The following DUSP13B variants were observed in gnomAD, a reference collection of about 807,000 sequenced individuals.
The protein encoded by DUSP13B is dual specificity protein phosphatase 13B.
At chr10:75,095,082 C>A in the DUSP13B span, among the ~76,000 whole-genome samples, 1 of 152,182 alleles carries the variant, frequency 6.6e-6, no homozygotes, top group Admixed American at 6.5e-5. Context: ...GGTTAGCAGC[C>A]GGGATTTCCT....
At chr10:75,106,860 T>A in the DUSP13B span, among the ~76,000 whole-genome samples, 1 of 152,214 alleles carries the variant, frequency 6.6e-6, no homozygotes, top group Non-Finnish European at 1.5e-5. Context: ...TGAGCTGTAA[T>A]CTTGTCATTC....
At chr10:75,097,128 T>C in the DUSP13B span, among the ~76,000 whole-genome samples, 1 of 152,198 alleles carries the variant, frequency 6.6e-6, no homozygotes, top group South Asian at 2.1e-4. Context: ...AGTAGGGGCT[T>C]CTGGGAGACA....
the DUSP13B span, among the ~76,000 whole-genome samples, chr10:75,104,808 A>AG: frequency 6.6e-6 from 1 of 151,972 alleles, no homozygotes; most frequent in South Asian, 2.1e-4. Context: ...CAGCCAGCAC[A>AG]GGGGAAGGGG....
the DUSP13B span, among the ~76,000 whole-genome samples, chr10:75,099,926 G>A: frequency 2.6e-5 from 4 of 152,122 alleles, no homozygotes; most frequent in South Asian, 4.2e-4. Context: ...CTGGATATGC[G>A]GTCACTGCAG....
chr10:75,100,087 GC>G, the DUSP13B span, among the ~76,000 whole-genome samples: 1 of 152,122 alleles, frequency 6.6e-6, no homozygotes, highest in Non-Finnish European at 1.5e-5. Context: ...CCGGGCTCAG[GC>G]CTGCGGAGCT....
the DUSP13B span, chr10:75,099,307 G>T: frequency 8.1e-7 from 1 of 1,232,366 alleles, no homozygotes; most frequent in South Asian, 4.1e-5. Context: ...CACCCAGGAG[G>T]CTGCCGGCTT....
chr10:75,108,366 A>G, the DUSP13B span: 7 of 1,359,302 alleles, frequency 5.1e-6, no homozygotes, highest in Admixed American at 1.8e-4. Flanking sequence ...ACAGCCCTAT[A>G]CCCAGAGCCC....
At chr10:75,095,901 G>A in the DUSP13B span, 1 of 1,062,048 alleles carries the variant, frequency 9.4e-7, no homozygotes, top group Non-Finnish European at 1.4e-6. Context: ...CCCACCAAGG[G>A]TAGAGACAAG....
chr10:75,097,074 G>C, the DUSP13B span, among the ~76,000 whole-genome samples: 212 of 152,316 alleles, frequency 1.4e-3, no homozygotes, highest in African/African-American at 4.8e-3. Flanking sequence ...TCAACAGATA[G>C]TGATTAACCA....
the DUSP13B span, chr10:75,109,049 G>C: frequency 6.2e-7 from 1 of 1,611,298 alleles, no homozygotes; most frequent in Non-Finnish European, 8.5e-7. Flanking sequence ...TCGTCCACAC[G>C]GCTGCAAGAA....
the DUSP13B span, chr10:75,108,894 G>T: frequency 7.3e-7 from 1 of 1,362,660 alleles, no homozygotes; most frequent in Non-Finnish European, 9.7e-7. Flanking sequence ...CCTGGCCTGG[G>T]ATGGTCAGAG....
chr10:75,099,464 G>GGGGA, the DUSP13B span: 1 of 1,232,504 alleles, frequency 8.1e-7, no homozygotes, highest in South Asian at 4.1e-5. Context: ...TGGGGGAGTG[G>GGGGA]GTGCAGGGGC....
At chr10:75,107,828 C>T in the DUSP13B span, among the ~76,000 whole-genome samples, 7 of 152,186 alleles carry the variant, frequency 4.6e-5, no homozygotes, top group African/African-American at 9.7e-5. Context: ...CCACCCACCT[C>T]GGCCTCCCAA....
chr10:75,105,633 C>T, the DUSP13B span: 2 of 1,541,508 alleles, frequency 1.3e-6, no homozygotes, highest in East Asian at 2.5e-5. Flanking sequence ...CGGCCAACCA[C>T]ATCCAGCTTT....
the DUSP13B span, chr10:75,099,153 A>G: frequency 1.6e-6 from 2 of 1,232,206 alleles, no homozygotes; most frequent in Non-Finnish European, 2.0e-6. Flanking sequence ...GCACCAGAAT[A>G]TGGGCCTGGT....
At chr10:75,097,841 T>C in the DUSP13B span, 1 of 1,613,228 alleles carries the variant, frequency 6.2e-7, no homozygotes, top group Non-Finnish European at 8.5e-7. Flanking sequence ...GACTGCCCCA[T>C]GGATCTTGGG....
the DUSP13B span, among the ~76,000 whole-genome samples, chr10:75,103,008 G>A: frequency 6.6e-6 from 1 of 152,148 alleles, no homozygotes; most frequent in East Asian, 1.9e-4. Flanking sequence ...TCCTACTCGG[G>A]AAGCTGAGGT....
chr10:75,099,487 G>T, the DUSP13B span: 1 of 1,232,160 alleles, frequency 8.1e-7, no homozygotes, highest in South Asian at 4.1e-5. Flanking sequence ...GACTCTGCCT[G>T]AGCGGAACAG....
the DUSP13B span, among the ~76,000 whole-genome samples, chr10:75,103,175 T>A: frequency 6.6e-6 from 1 of 152,188 alleles, no homozygotes; most frequent in Non-Finnish European, 1.5e-5. Flanking sequence ...TGGAAGGATG[T>A]TCTGTGGAGG....
Sources: gnomAD v4.1 joint callset for allele counts (sites outside exome capture counted in the v4.1 genomes callset) on GRCh38, gnomAD v4.1.1 for gene constraint, MANE v1.5 for transcripts, NCBI Gene and HGNC (gene_info 2026-07-23, HGNC 2026-07-21) for gene names.